The following HAAO variants were observed in gnomAD, a reference collection of about 807,000 sequenced individuals.
The protein encoded by HAAO is 3-hydroxyanthranilate 3,4-dioxygenase, also known as 3-hydroxyanthranilate oxygenase.
Under a neutral mutation model 46.2 loss-of-function variants are expected in HAAO, and 49 were observed. That is an observed-to-expected ratio of 1.06 (90% CI 0.84 to 1.34). The LOEUF is 1.34. Ranked by LOEUF, HAAO falls within the 40% of genes most tolerant of loss-of-function variation. The pLI is 0.00. For missense variants in HAAO, 408 were observed against 364.5 expected (o/e 1.12, Z -0.97); for synonymous variants, 157 against 145.2 (o/e 1.08, Z -0.58).
chr2:42,769,964 C>T, intron 6 of HAAO, 106 bp from the exon 7 acceptor site: 2 of 1,272,954 alleles, frequency 1.6e-6, no homozygotes, highest in Non-Finnish European at 2.2e-6. Flanking sequence ...AGAACAGGCT[C>T]TGTATCCAGC....
Position 42,773,401 on chromosome 2 carries a change from G to A in HAAO, c.351-2819C>T, listed in dbSNP as rs1478929080. On this transcript the variant is annotated intron_variant, in intron 4 of 9. Coordinates refer to ENST00000294973, the MANE Select transcript of HAAO (RefSeq NM_012205.3). ...GCACTGGCCGTGATTCTAAATTCTG[G>A]GGGGAAGCAGCAGTTCTGGCTGCAC... Among the ~76,000 whole-genome samples the A allele has an allele frequency of 2.6e-5, 4 of 152,162 alleles. No homozygotes were observed. The East Asian group carries it at 7.8e-4, about 30-fold the overall frequency.
At chr2:42,767,796 C>G (rs1670779468) in intron 8 of HAAO, 64 bp downstream of exon 8, 14 of 1,577,954 alleles carry the variant, frequency 8.9e-6, no homozygotes, top group African/African-American at 1.3e-5. Flanking sequence ...GAGCCCAGGG[C>G]CGAGGAGCGG....
chr2:42,767,290 G>T lies in HAAO; in HGVS notation c.*147C>A. The T allele has an allele frequency of 1.5e-6, 1 of 667,464 alleles. No homozygotes were observed. The highest frequency in any genetic ancestry group is 2.7e-6 in the Non-Finnish European group (1 of 367,216). The allele number at this position is 667,464 out of a possible 1,614,324, so 41.3% of individuals were successfully genotyped here. A position where few individuals can be genotyped will look rare whatever the true frequency, so the allele number is the denominator to read the frequency against. On this transcript the variant is annotated 3_prime_UTR_variant, in exon 10 of 10. Transcript: ENST00000294973. ...ATGGCATCTGGGCTGAGAAGGGCAG[G>T]AGGGTGGGTGACAACAATGTGCAGG...
At chr2:42,787,136 G>A (rs967062201) in intron 2 of HAAO, among the ~76,000 whole-genome samples, 6 of 152,182 alleles carry the variant, frequency 3.9e-5, no homozygotes, top group African/African-American at 1.4e-4. Flanking sequence ...GGACACCTGT[G>A]CTGGCCAGCT....
At position 42,770,146 on chromosome 2, in the gene HAAO, G is replaced by C; in HGVS notation, c.481C>G (p.Pro161Ala). 1 of 1,604,162 alleles carries C rather than the reference G, an allele frequency of 6.2e-7. No individual in the cohort carries two copies. Among genetic ancestry groups the C allele is most frequent in the Non-Finnish European group, 8.5e-7 (1 of 1,174,432 alleles). The change falls in exon 6 of 10, where the codon CCT becomes GCT. Residue 161 changes from proline to alanine, a missense_variant. Pro to Ala is a conservative substitution (Grantham distance 27). Coordinates refer to ENST00000294973, the MANE Select transcript of HAAO (RefSeq NM_012205.3). ...SEQYRTGKPI[P>A]DQLLKEPPFP... ...GGGCAGTTCCCAGCGGCCTCACCAG[G>C]GATGGGCTTTCCTGTTCTGTACTGC... is the stretch of plus-strand genomic sequence containing the variant.
intron 4 of HAAO, among the ~76,000 whole-genome samples, chr2:42,774,280 C>A (rs539510904): frequency 6.6e-6 from 1 of 152,306 alleles, no homozygotes; most frequent in African/African-American, 2.4e-5. Context: ...TTGGAGTTGA[C>A]ATTTTGATAA....
chr2:42,770,660 G>A (rs1671045837), intron 4 of HAAO, 78 bp from the exon 5 acceptor site: 4 of 837,934 alleles, frequency 4.8e-6, no homozygotes, highest in Admixed American at 5.1e-5. Flanking sequence ...GCCTGGCTCT[G>A]CTTGTAGAAG....
At chr2:42,789,946 G>A (rs1342694487) in intron 1 of HAAO, among the ~76,000 whole-genome samples, 1 of 152,210 alleles carries the variant, frequency 6.6e-6, no homozygotes, top group Non-Finnish European at 1.5e-5. Flanking sequence ...TGCCACAGAG[G>A]GCAGGGGCAA....
At chr2:42,777,125 A>C (rs1033910691) in intron 4 of HAAO, among the ~76,000 whole-genome samples, 38 of 151,484 alleles carry the variant, frequency 2.5e-4, no homozygotes, top group Admixed American at 8.5e-4. Context: ...AACATGGTGA[A>C]ATCCTGTCTC....
intron 4 of HAAO, among the ~76,000 whole-genome samples, chr2:42,779,831 T>C (rs1043758192): frequency 1.4e-4 from 21 of 152,220 alleles, no homozygotes; most frequent in Non-Finnish European, 2.2e-4. Context: ...ATTAATCTGT[T>C]AAGATATTGG....
chr2:42,771,811 C>T lies in HAAO; in HGVS notation c.351-1229G>A, dbSNP rs551494415. Among the ~76,000 whole-genome samples, 36 of 152,384 alleles carry T rather than the reference C, an allele frequency of 2.4e-4. 1 individual carries two copies. The South Asian group carries it at 7.5e-3, about 32-fold the overall frequency. ...TCTGCTCTTAAAAGAGATGTGGTCCCGCTGGTGGGAGATGCTTTACAGACA... is the reference window on the plus strand; with the variant it reads ...TCTGCTCTTAAAAGAGATGTGGTCCTGCTGGTGGGAGATGCTTTACAGACA... On this transcript the variant is annotated intron_variant, in intron 4 of 9. Transcript: ENST00000294973.
chr2:42,783,762 C>A (rs1296865965), intron 3 of HAAO, 22 bp downstream of exon 3: 1 of 1,600,788 alleles, frequency 6.2e-7, no homozygotes, highest in Non-Finnish European at 8.5e-7. Flanking sequence ...CTCTTCCCCA[C>A]CCTGCTGGGA....
chr2:42,781,773 T>G (rs1457698411), intron 4 of HAAO, among the ~76,000 whole-genome samples: 1 of 151,998 alleles, frequency 6.6e-6, no homozygotes, highest in East Asian at 1.9e-4. Flanking sequence ...ACTCAAGAAG[T>G]TAAGGCAGGA....
Position 42,770,200 on chromosome 2 carries a change from C to CCTCCG in HAAO, c.441-15_441-14insCGGAG, listed in dbSNP as rs1671000318. The CCTCCG allele has an allele frequency of 6.3e-7, 1 of 1,590,310 alleles. No individual in the cohort carries two copies. The highest frequency in any genetic ancestry group is 2.3e-5 in the East Asian group (1 of 43,636). The stretch of plus-strand genomic sequence containing the variant: ...GAGCTGAAGAACCTGCAAGGACGAA[C>CCTCCG]AGGGAGGAGCAGGAGTGGCGAGCAC... On this transcript the variant is annotated splice_polypyrimidine_tract_variant and intron_variant, in intron 5 of 9. Coordinates refer to ENST00000294973, the MANE Select transcript of HAAO (RefSeq NM_012205.3).
At chr2:42,771,826 C>CT (rs1671152266) in intron 4 of HAAO, among the ~76,000 whole-genome samples, 1 of 152,268 alleles carries the variant, frequency 6.6e-6, no homozygotes, top group Admixed American at 6.5e-5. Context: ...GTGGGAGATG[C>CT]TTTACAGACA....
At position 42,770,163 on chromosome 2, in the gene HAAO, C is replaced by T. The variant is rs1304310844; in HGVS notation, c.464G>A (p.Arg155Lys). 4 of 1,602,822 alleles carry T rather than the reference C, an allele frequency of 2.5e-6. No individual in the cohort carries two copies. Among genetic ancestry groups the T allele is most frequent in the African/African-American group, 2.7e-5 (2 of 74,748 alleles). The change falls in exon 6 of 10, where the codon AGA becomes AAA. Residue 155 changes from arginine to lysine, a missense_variant. Physicochemically the swap from Arg to Lys is conservative, Grantham distance 26. Transcript: ENST00000294973. ...IQEFFSSEQY[R>K]TGKPIPDQLL... ...CTCACCAGGGATGGGCTTTCCTGTT[C>T]TGTACTGCTCAGAGCTGAAGAACCT...
In HAAO at chr2:42,767,680, G is replaced by A; in HGVS notation, c.700-3C>T. On this transcript the variant is annotated splice_polypyrimidine_tract_variant and splice_region_variant and intron_variant, in intron 8 of 9. Coordinates refer to ENST00000294973, the MANE Select transcript of HAAO (RefSeq NM_012205.3). ...ATTGTCACCACCGAGGAGCCCTCCT[G>A]GAGAAGAGGAGCAGGAGAATCAAAT... is the stretch of plus-strand genomic sequence containing the variant. 6.4e-7 allele frequency: 1 copy of A among 1,568,634 alleles called. No individual in the cohort carries two copies. The highest frequency in any genetic ancestry group is 8.7e-7 in the Non-Finnish European group (1 of 1,155,254).
At chr2:42,775,861 C>CTTT (rs56249729) in intron 4 of HAAO, among the ~76,000 whole-genome samples, 1,533 of 121,388 alleles carry the variant, frequency 0.013, 37 homozygotes, top group African/African-American at 0.043. Flanking sequence ...TTGTGTTATC[C>CTTT]TTTTTTTTTT....
Position 42,770,602 on chromosome 2 carries a change from G to A in HAAO, c.351-20C>T, listed in dbSNP as rs1225135128. On this transcript the variant is annotated intron_variant, in intron 4 of 9. Coordinates refer to ENST00000294973, the MANE Select transcript of HAAO (RefSeq NM_012205.3). ...TAGTACCTGCCAGAGCAGAGGACAG[G>A]CAACCCTGCTGTCCCCATCTGGGTG... 2 of 1,509,356 alleles carry A rather than the reference G, an allele frequency of 1.3e-6. No homozygotes were observed. Among genetic ancestry groups the A allele is most frequent in the African/African-American group, 1.4e-5 (1 of 72,252 alleles). The allele number at this position is 1,509,356 out of a possible 1,614,324, so 93.5% of individuals were successfully genotyped here.
Sources: allele counts gnomAD v4.1 joint callset (sites outside exome capture counted in the v4.1 genomes callset), GRCh38; gene constraint gnomAD v4.1.1; transcripts MANE v1.5; gene names NCBI Gene and HGNC (gene_info 2026-07-23, HGNC 2026-07-21).